GPR174: variants seen among roughly 807,000 people sequenced by gnomAD.
GPR174 encodes the protein probable G protein-coupled receptor 174.
In GPR174, 8 loss-of-function variants were observed where a neutral mutation model predicts 16.5. That is an observed-to-expected ratio of 0.48 (90% CI 0.28 to 0.87). The LOEUF (loss-of-function observed/expected upper bound fraction) is 0.87, where lower values mean the gene tolerates loss of function less well. Among genes scored for constraint, GPR174 ranks in the 40% least tolerant of loss-of-function variants. GPR174 has a pLI of 0.09. For synonymous variants in GPR174, 111 were observed against 94.8 expected, an observed-to-expected ratio of 1.17 and a Z score of -0.99; for missense variants, 214 against 247.5, an observed-to-expected ratio of 0.86 and a Z score of 0.91.
In GPR174 at chrX:79,174,198, A is replaced by C. The variant is rs1569283445; in HGVS notation, c.*2189A>C. The C allele has an allele frequency of 9.1e-6, 1 of 109,346 alleles. No individual in the cohort carries two copies. Among genetic ancestry groups the C allele is most frequent in the Admixed American group, 9.8e-5 (1 of 10,164 alleles). The allele number at this position is 109,346 out of a possible 1,213,427, so 9.0% of individuals were successfully genotyped here. On this transcript the variant is annotated 3_prime_UTR_variant, in exon 3 of 3. Transcript: ENST00000645147. ...GCAGCCCATTTACATCATTCCAAAA[A>C]AGGACCAGTATTCAGTGTTATGCTG...
At chrX:79,162,063 A>G (rs1921247570) in intron 2 of GPR174, among the ~76,000 whole-genome samples, 1 of 112,310 alleles carries the variant, frequency 8.9e-6, no homozygotes, top group Admixed American at 9.4e-5. Context: ...GCCTTAGCTC[A>G]TGGATTGCAG....
At chrX:79,146,374 G>A (rs1201081868) in intron 1 of GPR174, among the ~76,000 whole-genome samples, 1 of 112,430 alleles carries the variant, frequency 8.9e-6, no homozygotes, top group African/African-American at 3.2e-5. Flanking sequence ...ATGCTTTAGA[G>A]AGCTTTGGAT....
chrX:79,158,732 G>A (rs60087175), intron 2 of GPR174, among the ~76,000 whole-genome samples: 1,042 of 103,594 alleles, frequency 0.01, 27 homozygotes, highest in African/African-American at 0.036. Context: ...GTGAGCCACC[G>A]CACCCAGCCG....
At chrX:79,168,586 A>G (rs184941126) in intron 2 of GPR174, among the ~76,000 whole-genome samples, 4 of 109,528 alleles carry the variant, frequency 3.7e-5, no homozygotes, top group Admixed American at 9.8e-5. Context: ...CTGTTGTCCC[A>G]GCTACTTGGG....
chrX:79,154,385 G>T (rs183332074), intron 1 of GPR174, among the ~76,000 whole-genome samples: 1 of 111,591 alleles, frequency 9.0e-6, no homozygotes, highest in African/African-American at 3.3e-5. Context: ...TTATCACATC[G>T]CAATAGTTTT....
rs781200819 is a variant in GPR174, at chrX:79,172,776, G to T, written c.*767G>T. ...AAGTCCATACAAGGTGACTCAATTG[G>T]GCTCTAGGCCTAGGAGAAAGCAGAA... On this transcript the variant is annotated 3_prime_UTR_variant, in exon 3 of 3. Transcript: ENST00000645147. The T allele has an allele frequency of 9.0e-6, 1 of 111,538 alleles. No homozygotes were observed. The highest frequency in any genetic ancestry group is 3.3e-5 in the African/African-American group (1 of 30,619). 9.2% of individuals were successfully genotyped at this position (111,538 alleles called of 1,213,427 possible). A position where few individuals can be genotyped will look rare whatever the true frequency, so the allele number is the denominator to read the frequency against.
Position 79,172,060 on chromosome X carries a change from A to G in GPR174, c.*51A>G. Reference sequence around the variant, plus strand: ...CTGAAATGCAAGTACATCAGAACATATCTGCAATACCCAAGCCACAGGGAA... The same window carrying G: ...CTGAAATGCAAGTACATCAGAACATGTCTGCAATACCCAAGCCACAGGGAA... On this transcript the variant is annotated 3_prime_UTR_variant, in exon 3 of 3. Coordinates refer to ENST00000645147, the MANE Select transcript of GPR174 (RefSeq NM_032553.3). 1 of 1,106,523 alleles carries G rather than the reference A, an allele frequency of 9.0e-7. No individual in the cohort carries two copies. Among genetic ancestry groups the G allele is most frequent in the Non-Finnish European group, 1.2e-6 (1 of 825,901 alleles). The allele number at this position is 1,106,523 out of a possible 1,213,427, so 91.2% of individuals were successfully genotyped here. A position where few individuals can be genotyped will look rare whatever the true frequency, so the allele number is the denominator to read the frequency against.
At position 79,145,142 on chromosome X, in the gene GPR174, A is replaced by G. The variant is rs1471795592; in HGVS notation, c.-729A>G. 2 of 109,479 alleles carry G rather than the reference A, an allele frequency of 1.8e-5. No individual in the cohort carries two copies. Among genetic ancestry groups the G allele is most frequent in the Non-Finnish European group, 3.8e-5 (2 of 52,624 alleles). The allele number at this position is 109,479 out of a possible 1,213,427, so 9.0% of individuals were successfully genotyped here. ...GGCAGCCTAAATTGATGCACAAATC[A>G]GTAGCATCCTTTTTGGAGTGGCCAT... On this transcript the variant is annotated 5_prime_UTR_variant, in exon 1 of 3. Coordinates refer to ENST00000645147, the MANE Select transcript of GPR174 (RefSeq NM_032553.3).
rs1263640864 is a variant in GPR174, at chrX:79,171,903, T to C, written c.896T>C (p.Phe299Ser). The change falls in exon 3 of 3, where the codon TTC becomes TCC. Residue 299 changes from phenylalanine (F) to serine (S), a missense_variant. Physicochemically the swap from Phe to Ser is radical, Grantham distance 155. Transcript: ENST00000645147. Reference protein sequence around the residue: ...PVIYYFSTNEFRRRLSRQDLH... With the variant: ...PVIYYFSTNESRRRLSRQDLH... ...ATATACTACTTTTCCACTAATGAGT[T>C]CCGAAGACGGCTTTCAAGACAAGAT... 1 of 1,210,956 alleles carries C rather than the reference T, an allele frequency of 8.3e-7. No homozygotes were observed. Among genetic ancestry groups the C allele is most frequent in the Non-Finnish European group, 1.1e-6 (1 of 895,162 alleles).
At chrX:79,162,239 G>A (rs1235535294) in intron 2 of GPR174, among the ~76,000 whole-genome samples, 2 of 111,323 alleles carry the variant, frequency 1.8e-5, no homozygotes, top group African/African-American at 6.5e-5. Context: ...ATTATTTGGG[G>A]GAAACCATGC....
intron 2 of GPR174, among the ~76,000 whole-genome samples, chrX:79,162,268 C>T (rs1003309873): frequency 9.0e-6 from 1 of 111,203 alleles, no homozygotes; most frequent in African/African-American, 3.3e-5. Flanking sequence ...CTAATCAGTT[C>T]AATGGGCAGT....
At chrX:79,158,261 AAG>A (rs1447794361) in intron 2 of GPR174, among the ~76,000 whole-genome samples, 1 of 105,858 alleles carries the variant, frequency 9.4e-6, no homozygotes, top group Non-Finnish European at 1.9e-5. Flanking sequence ...ACCTCTGTTC[AAG>A]ACCACTTGAG....
intron 1 of GPR174, 134 bp downstream of exon 1, chrX:79,145,351 G>T: frequency 9.0e-6 from 1 of 111,275 alleles, no homozygotes; most frequent in Non-Finnish European, 1.9e-5. Context: ...AATGAACTTG[G>T]ACCATCCTTA....
At chrX:79,156,391 T>C (rs1199759685) in intron 1 of GPR174, among the ~76,000 whole-genome samples, 2 of 112,525 alleles carry the variant, frequency 1.8e-5, no homozygotes. Context: ...TCCATATGTA[T>C]TTAATAATCA....
chrX:79,165,714 G>T (rs1032723851), intron 2 of GPR174, among the ~76,000 whole-genome samples: 1 of 110,794 alleles, frequency 9.0e-6, no homozygotes, highest in African/African-American at 3.3e-5. Flanking sequence ...TTCCATGCTT[G>T]GTCTTTCTAC....
At chrX:79,155,021 A>C (rs1921063671) in intron 1 of GPR174, among the ~76,000 whole-genome samples, 1 of 111,991 alleles carries the variant, frequency 8.9e-6, no homozygotes, top group Non-Finnish European at 1.9e-5. Context: ...TAACAAATTA[A>C]ATGATTAAAA....
Position 79,145,036 on chromosome X carries a change from T to G in GPR174, c.-835T>G, listed in dbSNP as rs774315781. On this transcript the variant is annotated 5_prime_UTR_variant, in exon 1 of 3. Coordinates refer to ENST00000645147, the MANE Select transcript of GPR174 (RefSeq NM_032553.3). The stretch of plus-strand genomic sequence containing the variant: ...TTTCTTTCTTTCTTTCTTTCTTTCT[T>G]TCTTTCTTTCTTTCTTTCTTTCTTT... 1 of 98,580 alleles carries G rather than the reference T, an allele frequency of 1.0e-5. No homozygotes were observed. The highest frequency in any genetic ancestry group is 3.8e-5 in the African/African-American group (1 of 26,583). The allele number at this position is 98,580 out of a possible 1,213,427, so 8.1% of individuals were successfully genotyped here. A position where few individuals can be genotyped will look rare whatever the true frequency, so the allele number is the denominator to read the frequency against.
Position 79,172,004 on chromosome X carries a change from T to A in GPR174, c.997T>A (p.Cys333Ser). ...AGCTTCCACCATGACACCTGAATTA[T>A]GCTAAAACAAAAAACCAAACTGAAT... ...HTASTMTPEL[C>S] The change falls in exon 3 of 3, where the codon TGC becomes AGC. Residue 333 changes from cysteine (C) to serine (S), a missense_variant. By Grantham distance (112) the Cys-to-Ser change is moderately radical. Coordinates refer to ENST00000645147, the MANE Select transcript of GPR174 (RefSeq NM_032553.3). 1 of 1,180,783 alleles carries A rather than the reference T, an allele frequency of 8.5e-7. No homozygotes were observed. The highest frequency in any genetic ancestry group is 1.1e-6 in the Non-Finnish European group (1 of 880,758).
In GPR174 at chrX:79,171,263, T is replaced by A; in HGVS notation, c.256T>A (p.Phe86Ile). 8.3e-7 allele frequency: 1 copy of A among 1,211,270 alleles called. No individual in the cohort carries two copies. The highest frequency in any genetic ancestry group is 1.1e-6 in the Non-Finnish European group (1 of 895,022). The change falls in exon 3 of 3, where the codon TTT (phenylalanine) becomes ATT (isoleucine). Residue 86 changes from phenylalanine (F) to isoleucine (I), a missense_variant. Coordinates refer to ENST00000645147, the MANE Select transcript of GPR174 (RefSeq NM_032553.3). ...CTACTACTTGAATCATGACTGGCCA[T>A]TTGGGCCTGGTCTCTGCATGTTCTG... Reference protein sequence around the residue: ...IFYYLNHDWPFGPGLCMFCFY... With the variant: ...IFYYLNHDWPIGPGLCMFCFY...
Sources: allele counts gnomAD v4.1 joint callset (sites outside exome capture counted in the v4.1 genomes callset), GRCh38; gene constraint gnomAD v4.1.1; transcripts MANE v1.5; gene names NCBI Gene and HGNC (gene_info 2026-07-23, HGNC 2026-07-21).